DGKH: variants seen among roughly 807,000 people sequenced by gnomAD.
DGKH encodes DAG kinase eta.
Under a neutral mutation model 159.3 loss-of-function variants are expected in DGKH, and 90 were observed. The ratio of observed to expected loss-of-function variants is 0.57; its 90% CI spans 0.48 to 0.67. The LOEUF (loss-of-function observed/expected upper bound fraction) is 0.67. Among genes scored for constraint, DGKH ranks in the 30% least tolerant of loss-of-function variants. DGKH has a pLI of 0.00. For missense variants in DGKH, 1,181 were observed against 1,506.1 expected, an observed-to-expected ratio of 0.78 and a Z score of 3.57; for synonymous variants, 536 against 553.8, an observed-to-expected ratio of 0.97 and a Z score of 0.45.
chr13:42,139,964 G>C (rs1405345952), intron 3 of DGKH, among the ~76,000 whole-genome samples: 14 of 152,140 alleles, frequency 9.2e-5, no homozygotes, highest in Admixed American at 9.2e-4. Context: ...CATCATAGGG[G>C]CCCAGGTTAT....
intron 30 of DGKH, among the ~76,000 whole-genome samples, chr13:42,255,716 T>A (rs927432275): frequency 8.5e-5 from 13 of 152,250 alleles, no homozygotes; most frequent in African/African-American, 3.1e-4. Flanking sequence ...TCTAAATGAG[T>A]TCCTAATAAA....
At chr13:42,099,154 C>T (rs2137768640) in intron 1 of DGKH, among the ~76,000 whole-genome samples, 1 of 152,268 alleles carries the variant, frequency 6.6e-6, no homozygotes, top group South Asian at 2.1e-4. Context: ...TGCGAGTAAC[C>T]TTAAAGGTGC....
At chr13:42,059,845 CCACATCTTCT>C (rs1026974228) in intron 1 of DGKH, among the ~76,000 whole-genome samples, 2 of 151,502 alleles carry the variant, frequency 1.3e-5, no homozygotes, top group Non-Finnish European at 2.9e-5. Context: ...ATGCTATTGA[CCACATCTTCT>C]CACATCTTCT....
chr13:42,104,210 T>A (rs948107096), intron 1 of DGKH, among the ~76,000 whole-genome samples: 4 of 152,190 alleles, frequency 2.6e-5, no homozygotes, highest in African/African-American at 7.2e-5. Flanking sequence ...GAAGTGAGTA[T>A]CTCTGTTGCA....
At chr13:42,049,366 T>G (rs1881088782) in intron 1 of DGKH, among the ~76,000 whole-genome samples, 1 of 152,294 alleles carries the variant, frequency 6.6e-6, no homozygotes, top group Admixed American at 6.5e-5. Context: ...GAGTTCCTAC[T>G]TAGGGAACTT....
In DGKH at chr13:42,240,249, AGT is replaced by A. The variant is rs1354264862; in HGVS notation, c.*11065_*11066del. 6.6e-6 allele frequency: 1 copy of A among 152,254 alleles called. No individual in the cohort carries two copies. Among genetic ancestry groups the A allele is most frequent in the Non-Finnish European group, 1.5e-5 (1 of 68,040 alleles). 9.4% of individuals were successfully genotyped at this position (152,254 alleles called of 1,614,324 possible). A position where few individuals can be genotyped will look rare whatever the true frequency, so the allele number is the denominator to read the frequency against. On this transcript the variant is annotated 3_prime_UTR_variant, in exon 30 of 30. Coordinates refer to ENST00000337343, the MANE Select transcript of DGKH (RefSeq NM_178009.5). ...TCCACATGAAAGTCCACATGAGGTAAGTGTGCATTCATGAGCATGTGTGCACT... is the reference window on the plus strand; with the variant it reads ...TCCACATGAAAGTCCACATGAGGTAAGTGCATTCATGAGCATGTGTGCACT...
At chr13:42,089,823 G>GAA in intron 1 of DGKH, among the ~76,000 whole-genome samples, 1 of 152,110 alleles carries the variant, frequency 6.6e-6, no homozygotes, top group African/African-American at 2.4e-5. Flanking sequence ...GTATGCCCAG[G>GAA]TTCTGGGGAT....
chr13:42,098,169 G>T (rs899899001), intron 1 of DGKH, among the ~76,000 whole-genome samples: 1 of 152,118 alleles, frequency 6.6e-6, no homozygotes, highest in Non-Finnish European at 1.5e-5. Context: ...CTTTACACAG[G>T]TGAAAAAATA....
At chr13:42,110,799 CTG>C (rs1315634775) in intron 1 of DGKH, among the ~76,000 whole-genome samples, 2 of 152,322 alleles carry the variant, frequency 1.3e-5, no homozygotes, top group South Asian at 4.1e-4. Context: ...TATGAAAAAA[CTG>C]TTATGTCTGG....
intron 3 of DGKH, among the ~76,000 whole-genome samples, chr13:42,131,964 T>TCTTC (rs2137852952): frequency 6.6e-6 from 1 of 152,274 alleles, no homozygotes; most frequent in East Asian, 1.9e-4. Flanking sequence ...ATTCCTTCTT[T>TCTTC]CTTCCACTTG....
At chr13:42,136,027 A>C (rs1181436905) in intron 3 of DGKH, among the ~76,000 whole-genome samples, 3 of 152,354 alleles carry the variant, frequency 2.0e-5, no homozygotes, top group East Asian at 3.9e-4. Context: ...CAGTTATGTG[A>C]CCTTGGACAA....
At position 42,236,930 on chromosome 13, in the gene DGKH, C is replaced by T. The variant is rs2138311399; in HGVS notation, c.*7742C>T. On this transcript the variant is annotated 3_prime_UTR_variant, in exon 30 of 30. Coordinates refer to ENST00000337343, the MANE Select transcript of DGKH (RefSeq NM_178009.5). ...GGGGAAAAAAAAGAATTTTGAACCC[C>T]CCAAAATATCACATATCTAGCAGTT... 1 of 152,152 alleles carries T rather than the reference C, an allele frequency of 6.6e-6. No homozygotes were observed. The highest frequency in any genetic ancestry group is 2.1e-4 in the South Asian group (1 of 4,814). 9.4% of individuals were successfully genotyped at this position (152,152 alleles called of 1,614,324 possible). A position where few individuals can be genotyped will look rare whatever the true frequency, so the allele number is the denominator to read the frequency against.
chr13:42,182,792 T>C (rs557947327), intron 13 of DGKH, among the ~76,000 whole-genome samples: 2 of 152,182 alleles, frequency 1.3e-5, no homozygotes, highest in South Asian at 2.1e-4. Context: ...TTTTTAAAAA[T>C]CTAAAAATTA....
At chr13:42,049,575 C>T (rs1254004828) in intron 1 of DGKH, among the ~76,000 whole-genome samples, 2 of 152,220 alleles carry the variant, frequency 1.3e-5, no homozygotes, top group Non-Finnish European at 2.9e-5. Context: ...CCGAGGCAGG[C>T]AAGTGGGACA....
At chr13:42,185,206 T>C (rs1815660629) in intron 13 of DGKH, among the ~76,000 whole-genome samples, 1 of 152,222 alleles carries the variant, frequency 6.6e-6, no homozygotes, top group Non-Finnish European at 1.5e-5. Flanking sequence ...TAATAAAAGG[T>C]TACTTCATTC....
intron 1 of DGKH, among the ~76,000 whole-genome samples, chr13:42,088,164 C>T (rs373444017): frequency 9.2e-5 from 14 of 152,066 alleles, no homozygotes; most frequent in East Asian, 5.8e-4. Flanking sequence ...ATTATATGCT[C>T]AGTGAAAAAT....
chr13:42,207,062 C>CTTTCTTTCT (rs1555276050), intron 21 of DGKH, among the ~76,000 whole-genome samples: 1,023 of 65,362 alleles, frequency 0.016, 307 homozygotes, highest in African/African-American at 0.02. Context: ...TCTTTCCTTC[C>CTTTCTTTCT]TTCTTTCTTT....
At chr13:42,156,270 T>C (rs972158085) in intron 5 of DGKH, among the ~76,000 whole-genome samples, 1 of 152,100 alleles carries the variant, frequency 6.6e-6, no homozygotes, top group Non-Finnish European at 1.5e-5. Flanking sequence ...CGAGAAGGGG[T>C]CTCACTCTGT....
chr13:42,189,421 A>G lies in DGKH; in HGVS notation c.1912+112A>G. ...CACACTTTTTAAAAATAAAATTTTTAAGGCAAGATAGAAGATACAGTCATT... is the reference window on the plus strand; with the variant it reads ...CACACTTTTTAAAAATAAAATTTTTGAGGCAAGATAGAAGATACAGTCATT... On this transcript the variant is annotated intron_variant, in intron 15 of 29. Transcript: ENST00000337343. The G allele has an allele frequency of 3.6e-6, 5 of 1,392,894 alleles. No homozygotes were observed. The South Asian group carries it at 4.4e-5, about 12-fold the overall frequency. 86.3% of individuals were successfully genotyped at this position (1,392,894 alleles called of 1,614,324 possible).
Sources: gnomAD v4.1 joint callset for allele counts (sites outside exome capture counted in the v4.1 genomes callset) on GRCh38, gnomAD v4.1.1 for gene constraint, MANE v1.5 for transcripts, NCBI Gene and HGNC (gene_info 2026-07-23, HGNC 2026-07-21) for gene names.